The following KLRD1 variants were observed in gnomAD, a reference collection of about 807,000 sequenced individuals.
The protein encoded by KLRD1 is killer cell lectin like receptor D1, also known as natural killer cells antigen CD94.
KLRD1 carries 21 observed loss-of-function variants against 22.6 expected under a neutral mutation model. The ratio of observed to expected loss-of-function variants is 0.93; its 90% CI spans 0.66 to 1.34. The LOEUF is 1.34. KLRD1 is among the 40% of genes most tolerant of loss of function. The pLI is 0.00. For synonymous variants in KLRD1, 59 were observed against 71.1 expected, an observed-to-expected ratio of 0.83 and a Z score of 0.85; for missense variants, 183 against 208.6, an observed-to-expected ratio of 0.88 and a Z score of 0.76.
At chr12:10,281,329 A>C (rs1949640269) in intron 1 of KLRD1, among the ~76,000 whole-genome samples, 1 of 152,216 alleles carries the variant, frequency 6.6e-6, no homozygotes, top group African/African-American at 2.4e-5. Context: ...TTCAGACTCC[A>C]ACCCTCTAAA....
chr12:10,316,086 C>G lies in KLRD1; in HGVS notation c.*1293C>G, dbSNP rs528880116. ...TGAGTCGAGATTGCACCACTGCACT[C>G]CAGCCTGGGTGACAGAGCCAGACTC... On this transcript the variant is annotated 3_prime_UTR_variant, in exon 6 of 6. Coordinates refer to ENST00000336164, the MANE Select transcript of KLRD1 (RefSeq NM_002262.5). 1 of 139,910 alleles carries G rather than the reference C, an allele frequency of 7.1e-6. No individual in the cohort carries two copies. Among genetic ancestry groups the G allele is most frequent in the African/African-American group, 2.8e-5 (1 of 35,254 alleles). 8.7% of individuals were successfully genotyped at this position (139,910 alleles called of 1,614,324 possible).
Position 10,324,745 on chromosome 12 carries a change from A to G in KLRD1, c.*9952A>G, listed in dbSNP as rs958775974. 2.0e-5 allele frequency: 3 copies of G among 148,108 alleles called. No homozygotes were observed. Among genetic ancestry groups the G allele is most frequent in the Non-Finnish European group, 4.5e-5 (3 of 67,154 alleles). 9.2% of individuals were successfully genotyped at this position (148,108 alleles called of 1,614,324 possible). A position where few individuals can be genotyped will look rare whatever the true frequency, so the allele number is the denominator to read the frequency against. On this transcript the variant is annotated 3_prime_UTR_variant, in exon 6 of 6. Transcript: ENST00000336164. Reference sequence around the variant, plus strand: ...AAAGTAGTCTATTGTTTTTAAAGCTATTATACATTTTATTTTCTAATTTCA... The same window carrying G: ...AAAGTAGTCTATTGTTTTTAAAGCTGTTATACATTTTATTTTCTAATTTCA...
chr12:10,279,525 A>G (rs1949621629), intron 1 of KLRD1, among the ~76,000 whole-genome samples: 1 of 152,176 alleles, frequency 6.6e-6, no homozygotes, highest in Non-Finnish European at 1.5e-5. Flanking sequence ...TGATTTATAT[A>G]AATAGGCAGT....
At chr12:10,250,178 C>T (rs996760992) in intron 1 of KLRD1, among the ~76,000 whole-genome samples, 7 of 148,450 alleles carry the variant, frequency 4.7e-5, no homozygotes, top group Non-Finnish European at 1.0e-4. Context: ...CTTACCATTT[C>T]CCAAGGTGGT....
At chr12:10,290,686 A>C (rs1434127178) in intron 1 of KLRD1, among the ~76,000 whole-genome samples, 1 of 152,236 alleles carries the variant, frequency 6.6e-6, no homozygotes, top group Non-Finnish European at 1.5e-5. Flanking sequence ...TTGGTAAATA[A>C]AGGAAAAGTT....
rs1555102427 is a variant in KLRD1, at chr12:10,260,965, C to CCAA, written c.-101+34732_-101+34733insCAA. ...ACAAAAAACAACAACAACAAAAAAC[C>CCAA]AAAAAAAAAAAATTTTTTTGAGGTA... is the stretch of plus-strand genomic sequence containing the variant. On this transcript the variant is annotated intron_variant, in intron 1 of 5. Transcript: ENST00000544747. Among the ~76,000 whole-genome samples, 16 of 46,724 alleles carry CCAA rather than the reference C, an allele frequency of 3.4e-4. No individual in the cohort carries two copies. In the Admixed American group the frequency reaches 3.6e-3, roughly 11 times the overall value. 30.7% of individuals were successfully genotyped at this position (46,724 alleles called of 152,430 possible). A position where few individuals can be genotyped will look rare whatever the true frequency, so the allele number is the denominator to read the frequency against.
At position 10,314,894 on chromosome 12, in the gene KLRD1, TATAAA is replaced by T. The variant is rs1352635920; in HGVS notation, c.*104_*108del. 1.4e-4 allele frequency: 162 copies of T among 1,152,564 alleles called. 1 individual carries two copies. Among genetic ancestry groups the T allele is most frequent in the Non-Finnish European group, 2.1e-5 (17 of 822,758 alleles). 71.4% of individuals were successfully genotyped at this position (1,152,564 alleles called of 1,614,324 possible). A position where few individuals can be genotyped will look rare whatever the true frequency, so the allele number is the denominator to read the frequency against. On this transcript the variant is annotated 3_prime_UTR_variant, in exon 6 of 6. Transcript: ENST00000336164. The stretch of plus-strand genomic sequence containing the variant: ...TTACTAATTGTCTACTTCTGGAGTC[TATAAA>T]ATGTTTTTAAACAGTGTCATATACA...
chr12:10,312,537 C>T (rs1950107119), intron 4 of KLRD1, among the ~76,000 whole-genome samples: 1 of 151,482 alleles, frequency 6.6e-6, no homozygotes, highest in Non-Finnish European at 1.5e-5. Flanking sequence ...CACAACCACG[C>T]CCAGTTAATT....
intron 1 of KLRD1, among the ~76,000 whole-genome samples, chr12:10,297,630 T>G (rs970360327): frequency 6.6e-6 from 1 of 152,184 alleles, no homozygotes; most frequent in African/African-American, 2.4e-5. Flanking sequence ...TTTACTAAAT[T>G]GGGGTTTTCT....
At chr12:10,289,259 A>T (rs186714671) in intron 1 of KLRD1, among the ~76,000 whole-genome samples, 1 of 152,314 alleles carries the variant, frequency 6.6e-6, no homozygotes, top group Admixed American at 6.5e-5. Flanking sequence ...AGGAGTTGAC[A>T]AGCTGCAGCT....
rs2137750680 is a variant in KLRD1 at position 10,323,243 on chromosome 12, A to G, written c.*8450A>G. 1 of 152,294 alleles carries G rather than the reference A, an allele frequency of 6.6e-6. No homozygotes were observed. Among genetic ancestry groups the G allele is most frequent in the East Asian group, 1.9e-4 (1 of 5,190 alleles). 9.4% of individuals were successfully genotyped at this position (152,294 alleles called of 1,614,324 possible). On this transcript the variant is annotated 3_prime_UTR_variant, in exon 6 of 6. Coordinates refer to ENST00000336164, the MANE Select transcript of KLRD1 (RefSeq NM_002262.5). ...AGGCCCTTTAGTTCACGCTTTAAAA[A>G]CTAGTGATAATTTATTCATAAAGCT...
intron 1 of KLRD1, among the ~76,000 whole-genome samples, chr12:10,239,349 T>C (rs1302158098): frequency 1.3e-5 from 2 of 152,308 alleles, no homozygotes; most frequent in East Asian, 1.9e-4. Flanking sequence ...GCAAAAGGCA[T>C]GACTAAAGGT....
upstream of KLRD1, among the ~76,000 whole-genome samples, chr12:10,300,086 G>C (rs570391951): frequency 2.6e-5 from 4 of 152,114 alleles, no homozygotes; most frequent in Non-Finnish European, 5.9e-5. Context: ...CATGAGAAAT[G>C]GAATCAACTC....
intron 1 of KLRD1, among the ~76,000 whole-genome samples, chr12:10,277,427 G>A (rs1949602448): frequency 6.6e-6 from 1 of 152,004 alleles, no homozygotes; most frequent in South Asian, 2.1e-4. Flanking sequence ...TGCTATTTTG[G>A]TTTTGGATAG....
At chr12:10,314,609 G>A in intron 5 of KLRD1, 64 bp from the exon 6 acceptor site, 1 of 1,409,416 alleles carries the variant, frequency 7.1e-7, no homozygotes, top group South Asian at 1.5e-5. Flanking sequence ...TCATTTAATT[G>A]AAAAATGCCC....
chr12:10,315,430 T>C lies in KLRD1; in HGVS notation c.*637T>C. The C allele has an allele frequency of 5.0e-6, 1 of 199,810 alleles. No individual in the cohort carries two copies. The allele number at this position is 199,810 out of a possible 1,614,324, so 12.4% of individuals were successfully genotyped here. A position where few individuals can be genotyped will look rare whatever the true frequency, so the allele number is the denominator to read the frequency against. ...TGTGAACCACCATCCCTGGCCCTCT[T>C]CACATTCTTGTATGAAGATTGATTT... On this transcript the variant is annotated 3_prime_UTR_variant, in exon 6 of 6. Transcript: ENST00000336164.
chr12:10,245,488 GTATGTGAA>G, intron 1 of KLRD1, among the ~76,000 whole-genome samples: 1 of 152,304 alleles, frequency 6.6e-6, no homozygotes, highest in East Asian at 1.9e-4. Flanking sequence ...CAGAAAGACA[GTATGTGAA>G]TACATGAAAA....
chr12:10,250,546 C>T (rs1334037598), intron 1 of KLRD1, among the ~76,000 whole-genome samples: 1 of 151,942 alleles, frequency 6.6e-6, no homozygotes, highest in Non-Finnish European at 1.5e-5. Flanking sequence ...CAACCTCTGC[C>T]TCCTGGGTTC....
At chr12:10,289,790 G>A (rs183044035) in intron 1 of KLRD1, among the ~76,000 whole-genome samples, 1 of 151,896 alleles carries the variant, frequency 6.6e-6, no homozygotes, top group African/African-American at 2.4e-5. Flanking sequence ...AATTTTTTTT[G>A]TGTGTGTGAC....
Sources: allele counts gnomAD v4.1 joint callset (sites outside exome capture counted in the v4.1 genomes callset), GRCh38; gene constraint gnomAD v4.1.1; transcripts MANE v1.5; gene names NCBI Gene and HGNC (gene_info 2026-07-23, HGNC 2026-07-21).